The following FGB variants were observed in gnomAD, a reference collection of about 807,000 sequenced individuals.
FGB encodes the protein fibrinogen beta chain, also known as beta-fibrinogen.
Under a neutral mutation model 57.9 loss-of-function variants are expected in FGB, and 25 were observed. The observed-to-expected ratio is 0.43, with a 90% CI of 0.31 to 0.60. The LOEUF (loss-of-function observed/expected upper bound fraction) is 0.60. Ranked by LOEUF, FGB falls within the 20% of genes least tolerant of loss-of-function variation. The pLI, the probability that FGB is intolerant of heterozygous loss-of-function variation, is 0.08. For missense variants in FGB, 536 were observed against 598.4 expected (o/e 0.90, Z 1.09); for synonymous variants, 203 against 199.2 (o/e 1.02, Z -0.16).
Position 154,563,039 on chromosome 4 carries a change from G to T in FGB, c.21G>T (p.Trp7Cys). Reference sequence around the variant, plus strand: ...TCTACATGAAAAGGATGGTTTCTTGGAGCTTCCACAAACTTAAAACCATGA... The same window carrying T: ...TCTACATGAAAAGGATGGTTTCTTGTAGCTTCCACAAACTTAAAACCATGA... MKRMVS[W>C]SFHKLKTMKH... is the part of the protein sequence containing the mutation. The change falls in exon 1 of 8, where the codon TGG becomes TGT. Residue 7 changes from tryptophan to cysteine, a missense_variant. Transcript: ENST00000302068. 1 of 1,559,268 alleles carries T rather than the reference G, an allele frequency of 6.4e-7. No homozygotes were observed. Among genetic ancestry groups the T allele is most frequent in the Non-Finnish European group, 8.7e-7 (1 of 1,146,084 alleles).
At position 154,566,583 on chromosome 4, in the gene FGB, T is replaced by C. The variant is rs771243649; in HGVS notation, c.401T>C (p.Val134Ala). ...RNSVDELNNNVEAVSQTSSSS... is the reference protein window; with the variant it reads ...RNSVDELNNNAEAVSQTSSSS... ...AGTGTTGATGAGTTAAATAACAATG[T>C]GGAAGCTGTTTCCCAGACCTCCTCT... Residue 134 changes from valine (V) to alanine (A), a missense_variant, in exon 3 of 8, where the codon GTG (valine) becomes GCG (alanine). Val to Ala is a moderately conservative substitution (Grantham distance 64, BLOSUM62 0). Coordinates refer to ENST00000302068, the MANE Select transcript of FGB (RefSeq NM_005141.5). 2 of 1,614,106 alleles carry C rather than the reference T, an allele frequency of 1.2e-6. No individual in the cohort carries two copies. The highest frequency in any genetic ancestry group is 2.2e-5 in the East Asian group (1 of 44,870).
Position 154,571,626 on chromosome 4 carries a change from C to T in FGB, c.*976C>T, listed in dbSNP as rs1298889749. On this transcript the variant is annotated 3_prime_UTR_variant, in exon 8 of 8. Coordinates refer to ENST00000302068, the MANE Select transcript of FGB (RefSeq NM_005141.5). ...ATAATGAAATAGGGAGCAGAATATG[C>T]CTGTTGCCCATAGAAACGAGGTCTA... Among the ~76,000 whole-genome samples, 2 of 152,122 alleles carry T rather than the reference C, an allele frequency of 1.3e-5. No homozygotes were observed. The highest frequency in any genetic ancestry group is 1.3e-4 in the Admixed American group (2 of 15,276).
In FGB at chr4:154,569,759, G is replaced by A. The variant is rs200792588; in HGVS notation, c.1204G>A (p.Gly402Ser). 2.7e-5 allele frequency: 44 copies of A among 1,613,954 alleles called. 1 individual carries two copies. Among genetic ancestry groups the A allele is most frequent in the Non-Finnish European group, 3.3e-5 (39 of 1,180,014 alleles). Residue 402 changes from glycine to serine, a missense_variant, in exon 7 of 8, where the codon GGC becomes AGC. This residue lies in a region of FGB where 177 missense variants were observed against 193.7 expected (regional missense o/e 0.91). Coordinates refer to ENST00000302068, the MANE Select transcript of FGB (RefSeq NM_005141.5). ...AAACAGGACCATGACCATTCACAAC[G>A]GCATGTTCTTCAGCACGTATGACAG... is the stretch of plus-strand genomic sequence containing the variant. ...GENRTMTIHN[G>S]MFFSTYDRDN...
intron 3 of FGB, chr4:154,566,874 T>A (rs571723065): frequency 5.1e-6 from 3 of 584,602 alleles, no homozygotes; most frequent in East Asian, 2.9e-5. Context: ...CAAGTGTGAT[T>A]TTCTATGAAA....
In FGB at chr4:154,567,582, C is replaced by T; in HGVS notation, c.491-11C>T. On this transcript the variant is annotated splice_polypyrimidine_tract_variant and intron_variant, in intron 3 of 7. Coordinates refer to ENST00000302068, the MANE Select transcript of FGB (RefSeq NM_005141.5). ...AATGCTAACTATTTCTACATAATTT[C>T]ATTTTTCCAGATAATGAAAATGTAG... is the stretch of plus-strand genomic sequence containing the variant. The T allele has an allele frequency of 6.6e-7, 1 of 1,526,222 alleles. No homozygotes were observed. The highest frequency in any genetic ancestry group is 1.1e-5 in the South Asian group (1 of 89,344). 94.5% of individuals were successfully genotyped at this position (1,526,222 alleles called of 1,614,324 possible).
rs1578787077 is a variant in FGB at position 154,571,451 on chromosome 4, A to G, written c.*801A>G. On this transcript the variant is annotated 3_prime_UTR_variant, in exon 8 of 8. Transcript: ENST00000302068. The stretch of plus-strand genomic sequence containing the variant: ...AACACTGCACTCCAGCCTGGGCAAC[A>G]GCGTGAGACTCCACCTCAAAAAAAA... Among the ~76,000 whole-genome samples the G allele has an allele frequency of 6.7e-6, 1 of 148,846 alleles. No homozygotes were observed. Among genetic ancestry groups the G allele is most frequent in the East Asian group, 2.0e-4 (1 of 5,066 alleles).
chr4:154,570,460 G>A lies in FGB; in HGVS notation c.1286G>A (p.Gly429Asp). The A allele has an allele frequency of 6.2e-7, 1 of 1,614,124 alleles. No homozygotes were observed. The highest frequency in any genetic ancestry group is 8.5e-7 in the Non-Finnish European group (1 of 1,179,994). Residue 429 changes from glycine (G) to aspartate (D), a missense_variant, in exon 8 of 8, where the codon GGT (glycine) becomes GAT (aspartate). Coordinates refer to ENST00000302068, the MANE Select transcript of FGB (RefSeq NM_005141.5). ...AGAAAACAGTGTTCTAAAGAAGACG[G>A]TGGTGGATGGTGGTATAATAGATGT... ...DPRKQCSKED[G>D]GGWWYNRCHA... is the part of the protein sequence containing the mutation.
At chr4:154,569,836 A>G in intron 7 of FGB, 37 bp downstream of exon 7, 2 of 1,608,558 alleles carry the variant, frequency 1.2e-6, no homozygotes, top group Non-Finnish European at 1.7e-6. Flanking sequence ...TTTAAAAATC[A>G]CACTAATATC....
chr4:154,563,248 A>T, intron 1 of FGB, 116 bp downstream of exon 1: 1 of 568,322 alleles, frequency 1.8e-6, no homozygotes, highest in South Asian at 2.4e-5. Flanking sequence ...TATGAAATGG[A>T]ATTGTTAACC....
In FGB at chr4:154,566,619, A is replaced by C; in HGVS notation, c.437A>C (p.Gln146Pro). ...TCCCAGACCTCCTCTTCTTCCTTTC[A>C]GTACATGTATTTGCTGAAAGACCTG... is the stretch of plus-strand genomic sequence containing the variant. ...AVSQTSSSSF[Q>P]YMYLLKDLWQ... The change falls in exon 3 of 8, where the codon CAG becomes CCG. Residue 146 changes from glutamine (Q) to proline (P), a missense_variant. Coordinates refer to ENST00000302068, the MANE Select transcript of FGB (RefSeq NM_005141.5). 6.2e-7 allele frequency: 1 copy of C among 1,614,172 alleles called. No homozygotes were observed. Among genetic ancestry groups the C allele is most frequent in the South Asian group, 1.1e-5 (1 of 91,088 alleles).
rs2227421 is a variant in FGB, at chr4:154,571,072, A to C, written c.*422A>C. On this transcript the variant is annotated 3_prime_UTR_variant, in exon 8 of 8. Coordinates refer to ENST00000302068, the MANE Select transcript of FGB (RefSeq NM_005141.5). ...CAAAAAGATTTATTAATTAAACCAG[A>C]CTCTGTTGCAATAAGTTAATGTTTT... 76,722 of 274,844 alleles carry C rather than the reference A, an allele frequency of 0.28. 11,547 individuals carry two copies. The highest frequency in any genetic ancestry group is 0.35 in the Middle Eastern group (260 of 746). The allele number at this position is 274,844 out of a possible 1,614,324, so 17.0% of individuals were successfully genotyped here.
chr4:154,569,053 C>T, intron 5 of FGB, 129 bp from the exon 6 acceptor site: 1 of 1,021,744 alleles, frequency 9.8e-7, no homozygotes, highest in East Asian at 2.5e-5. Context: ...TATTTATTTC[C>T]TTATTGTGTC....
intron 3 of FGB, among the ~76,000 whole-genome samples, chr4:154,567,087 T>C (rs138718869): frequency 3.3e-5 from 5 of 152,236 alleles, no homozygotes; most frequent in African/African-American, 1.2e-4. Flanking sequence ...TTGAGTGCTG[T>C]TGACTTGGTG....
chr4:154,565,236 G>T, intron 1 of FGB: 1 of 461,496 alleles, frequency 2.2e-6, no homozygotes, highest in Non-Finnish European at 4.5e-6. Context: ...TCTCATAGCT[G>T]TAAGTCAACC....
chr4:154,572,692 A>T lies in FGB; in HGVS notation c.*2042A>T, dbSNP rs969972430. 1.4e-4 allele frequency among the ~76,000 whole-genome samples: 22 copies of T among 152,182 alleles called. No individual in the cohort carries two copies. Among genetic ancestry groups the T allele is most frequent in the Non-Finnish European group, 3.2e-4 (22 of 68,046 alleles). On this transcript the variant is annotated 3_prime_UTR_variant, in exon 8 of 8. Coordinates refer to ENST00000302068, the MANE Select transcript of FGB (RefSeq NM_005141.5). ...GGTATGCTTGAGTTAATGCTGTCGG[A>T]TGCATCTGTCATACAAAGTGTTTAA... is the stretch of plus-strand genomic sequence containing the variant.
rs1302689634 is a variant in FGB at position 154,572,552 on chromosome 4, G to C, written c.*1902G>C. 6.6e-6 allele frequency among the ~76,000 whole-genome samples: 1 copy of C among 152,160 alleles called. No individual in the cohort carries two copies. Among genetic ancestry groups the C allele is most frequent in the African/African-American group, 2.4e-5 (1 of 41,424 alleles). On this transcript the variant is annotated 3_prime_UTR_variant, in exon 8 of 8. Coordinates refer to ENST00000302068, the MANE Select transcript of FGB (RefSeq NM_005141.5). ...ATCCTGAGTTCCAACGGACAGGCAG[G>C]GAGTTCAAGTGTCCTTCACAGATAA...
chr4:154,567,883 G>A lies in FGB; in HGVS notation c.718+63G>A, dbSNP rs1046288296. 73 of 1,138,344 alleles carry A rather than the reference G, an allele frequency of 6.4e-5. No homozygotes were observed. In the African/African-American group the frequency reaches 8.8e-4, roughly 14 times the overall value. The allele number at this position is 1,138,344 out of a possible 1,614,324, so 70.5% of individuals were successfully genotyped here. A position where few individuals can be genotyped will look rare whatever the true frequency, so the allele number is the denominator to read the frequency against. On this transcript the variant is annotated intron_variant, in intron 4 of 7. Transcript: ENST00000302068. Reference sequence around the variant, plus strand: ...AAGAACTCACACACCAAAAATAAGAGAACAACAACAACAACAAAAATGCTA... The same window carrying A: ...AAGAACTCACACACCAAAAATAAGAAAACAACAACAACAACAAAAATGCTA...
rs541828079 is a variant in FGB at position 154,571,496 on chromosome 4, T to G, written c.*846T>G. On this transcript the variant is annotated 3_prime_UTR_variant, in exon 8 of 8. Transcript: ENST00000302068. ...AAAAAAAAAAAAAAGAATCTGACTA[T>G]ATACCATGGAAAAGCCACCACTCTG... Among the ~76,000 whole-genome samples the G allele has an allele frequency of 1.7e-3, 260 of 150,992 alleles. No homozygotes were observed. Among genetic ancestry groups the G allele is most frequent in the South Asian group, 3.6e-3 (17 of 4,774 alleles).
In FGB at chr4:154,567,739, G is replaced by A; in HGVS notation, c.637G>A (p.Glu213Lys). The change falls in exon 4 of 8, where the codon GAA becomes AAA. Residue 213 changes from glutamate to lysine, a missense_variant. Glu to Lys is a moderately conservative substitution (Grantham distance 56, BLOSUM62 1). Around this residue, in one of 3 missense-constraint regions of FGB, gnomAD observed 354 missense variants for 383.4 expected, o/e 0.92. Coordinates refer to ENST00000302068, the MANE Select transcript of FGB (RefSeq NM_005141.5). ...ENLRSKIQKL[E>K]SDVSAQMEYC... ...CCTGAGAAGCAAAATACAAAAGTTA[G>A]AATCTGATGTCTCAGCTCAAATGGA... The A allele has an allele frequency of 6.2e-7, 1 of 1,614,128 alleles. No homozygotes were observed. The highest frequency in any genetic ancestry group is 8.5e-7 in the Non-Finnish European group (1 of 1,180,022).
Sources: gnomAD v4.1 joint callset for allele counts (sites outside exome capture counted in the v4.1 genomes callset) on GRCh38, gnomAD v4.1.1 for gene constraint, gnomAD v4.1.1 regional missense constraint, MANE v1.5 for transcripts, NCBI Gene and HGNC (gene_info 2026-07-23, HGNC 2026-07-21) for gene names.